The following ZFHX3 variants were observed in gnomAD, a reference collection of about 807,000 sequenced individuals.
ZFHX3 encodes the protein zinc finger homeobox protein 3.
Under a neutral mutation model 279.1 loss-of-function variants are expected in ZFHX3, and 42 were observed. That is an observed-to-expected ratio of 0.15 (90% CI 0.12 to 0.19). The LOEUF is 0.19. Ranked by LOEUF, ZFHX3 falls within the 10% of genes least tolerant of loss-of-function variation. ZFHX3 has a pLI of 1.00. For missense variants in ZFHX3, 4,981 were observed against 4,754.0 expected (o/e 1.05, Z -1.40); for synonymous variants, 2,293 against 1,957.8 (o/e 1.17, Z -4.52).
intron 1 of ZFHX3, among the ~76,000 whole-genome samples, chr16:72,985,771 G>A (rs1962815073): frequency 6.6e-6 from 1 of 152,118 alleles, no homozygotes; most frequent in African/African-American, 2.4e-5. Flanking sequence ...TGCTTGGGCT[G>A]TGACCAGAGC....
At chr16:72,930,279 G>A (rs991561910) in intron 3 of ZFHX3, among the ~76,000 whole-genome samples, 9 of 152,030 alleles carry the variant, frequency 5.9e-5, no homozygotes, top group Admixed American at 3.9e-4. Context: ...AACAAACACA[G>A]CTTCTCGCCC....
chr16:73,532,476 A>G (rs1407553938), intron 2 of ZFHX3, among the ~76,000 whole-genome samples: 2 of 152,144 alleles, frequency 1.3e-5, no homozygotes, highest in African/African-American at 4.8e-5. Flanking sequence ...TGTCTTTACC[A>G]GCAGCGTGAA....
chr16:73,043,842 T>C (rs562178552), intron 1 of ZFHX3, among the ~76,000 whole-genome samples: 28 of 152,372 alleles, frequency 1.8e-4, no homozygotes, highest in African/African-American at 6.2e-4. Flanking sequence ...AAGAGATCAA[T>C]CTGGCAGTCA....
Position 72,958,604 on chromosome 16 carries a change from T to A in ZFHX3, c.1542A>T (p.Ala514=). ...EDRPHEEPGA[A]AGSSSKKDLA... Reference sequence around the variant, plus strand: ...GGTCCTTTTTGCTGCTACTACCTGCTGCGGCCCCAGGCTCCTCATGGGGCC... The same window carrying A: ...GGTCCTTTTTGCTGCTACTACCTGCAGCGGCCCCAGGCTCCTCATGGGGCC... Residue 514 remains alanine, a synonymous_variant, in exon 2 of 10, where the codon GCA becomes GCT. Transcript: ENST00000268489. 1 of 1,614,178 alleles carries A rather than the reference T, an allele frequency of 6.2e-7. No individual in the cohort carries two copies. Among genetic ancestry groups the A allele is most frequent in the African/African-American group, 1.3e-5 (1 of 75,050 alleles).
chr16:73,603,402 C>G (rs1364170986), intron 2 of ZFHX3, among the ~76,000 whole-genome samples: 3 of 151,848 alleles, frequency 2.0e-5, no homozygotes, highest in Admixed American at 6.6e-5. Flanking sequence ...GGCTAATAAG[C>G]CTATAACAAA....
intron 1 of ZFHX3, among the ~76,000 whole-genome samples, chr16:73,878,750 C>A (rs970606410): frequency 6.6e-6 from 1 of 151,502 alleles, no homozygotes; most frequent in Non-Finnish European, 1.5e-5. Context: ...ATCAAGGAAG[C>A]TGCTCAGAAG....
rs1245795954 is a variant in ZFHX3, at chr16:72,949,245, C to T, written c.3216+1224G>A. 2.0e-5 allele frequency among the ~76,000 whole-genome samples: 3 copies of T among 152,174 alleles called. No individual in the cohort carries two copies. The East Asian group carries it at 5.8e-4, about 29-fold the overall frequency. ...AAAATCATTCTGAGTAGAGTAGGGA[C>T]TCAACTAGCTCGGGGCCAGCAGAAA... On this transcript the variant is annotated intron_variant, in intron 3 of 9. Transcript: ENST00000268489.
intron 5 of ZFHX3, chr16:73,232,041 G>A (rs942437167): frequency 6.6e-6 from 1 of 152,208 alleles, no homozygotes; most frequent in South Asian, 2.1e-4. Flanking sequence ...GCGCTGACGG[G>A]AGCTCCCCGA....
At chr16:72,871,789 A>T (rs1367194987) in intron 4 of ZFHX3, among the ~76,000 whole-genome samples, 3 of 145,556 alleles carry the variant, frequency 2.1e-5, no homozygotes, top group Non-Finnish European at 3.0e-5. Context: ...AATTTTAAAA[A>T]TTTTTTAAGG....
intron 1 of ZFHX3, among the ~76,000 whole-genome samples, chr16:73,023,140 T>G (rs2144655606): frequency 6.6e-6 from 1 of 152,274 alleles, no homozygotes; most frequent in Middle Eastern, 3.4e-3. Context: ...GGCAGGAGAA[T>G]CGCTTGAACC....
chr16:72,830,662 G>C (rs553386140), intron 4 of ZFHX3, among the ~76,000 whole-genome samples: 1 of 152,308 alleles, frequency 6.6e-6, no homozygotes, highest in Admixed American at 6.5e-5. Flanking sequence ...GGCTGCTTAT[G>C]AAGTCAAATG....
intron 1 of ZFHX3, among the ~76,000 whole-genome samples, chr16:73,719,263 A>G (rs1597080693): frequency 1.3e-5 from 2 of 152,176 alleles, no homozygotes; most frequent in East Asian, 3.9e-4. Context: ...ATGTTTTGGC[A>G]AAGTTTGCAA....
At chr16:73,186,653 T>TG (rs1057421151) in intron 5 of ZFHX3, among the ~76,000 whole-genome samples, 2 of 151,780 alleles carry the variant, frequency 1.3e-5, no homozygotes, top group African/African-American at 2.4e-5. Context: ...TATCTTTTAA[T>TG]GGGGGTCGCA....
intron 2 of ZFHX3, among the ~76,000 whole-genome samples, chr16:73,658,817 T>C (rs940577600): frequency 2.0e-5 from 3 of 152,186 alleles, no homozygotes; most frequent in Non-Finnish European, 4.4e-5. Context: ...TACATCTTTG[T>C]TCGAGATTTA....
At chr16:73,348,096 A>T (rs1343711347) in intron 3 of ZFHX3, among the ~76,000 whole-genome samples, 1 of 152,156 alleles carries the variant, frequency 6.6e-6, no homozygotes, top group Admixed American at 6.5e-5. Flanking sequence ...AGGCCTCTCC[A>T]TCTCTGTTTA....
At chr16:73,572,033 A>C (rs1567522055) in intron 2 of ZFHX3, among the ~76,000 whole-genome samples, 1 of 152,158 alleles carries the variant, frequency 6.6e-6, no homozygotes, top group Admixed American at 6.5e-5. Context: ...ATTCATCTTA[A>C]GCAGAACAGG....
chr16:73,474,880 G>A (rs1210228459), intron 2 of ZFHX3, among the ~76,000 whole-genome samples: 1 of 152,226 alleles, frequency 6.6e-6, no homozygotes, highest in African/African-American at 2.4e-5. Context: ...GTAAAGGAAA[G>A]AATCAACCAT....
At chr16:73,033,271 C>G (rs1378574811) in intron 1 of ZFHX3, among the ~76,000 whole-genome samples, 1 of 152,150 alleles carries the variant, frequency 6.6e-6, no homozygotes, top group Non-Finnish European at 1.5e-5. Context: ...TGCAAAGCAC[C>G]TGGAGAAAAA....
intron 5 of ZFHX3, among the ~76,000 whole-genome samples, chr16:73,240,833 A>G (rs2013099867): frequency 6.6e-6 from 1 of 152,234 alleles, no homozygotes; most frequent in African/African-American, 2.4e-5. Context: ...CTAGTGAAAG[A>G]GTAGAGTTTT....
Sources: allele counts gnomAD v4.1 joint callset (sites outside exome capture counted in the v4.1 genomes callset), GRCh38; gene constraint gnomAD v4.1.1; transcripts MANE v1.5; gene names NCBI Gene and HGNC (gene_info 2026-07-23, HGNC 2026-07-21).